GPC6: variants seen among roughly 807,000 people sequenced by gnomAD.
GPC6 encodes glypican 6.
GPC6 carries 14 observed loss-of-function variants against 55.2 expected under a neutral mutation model. The observed-to-expected ratio is 0.25, with a 90% CI of 0.17 to 0.40. The LOEUF is 0.40. Among genes scored for constraint, GPC6 ranks in the 10% least tolerant of loss-of-function variants. GPC6 has a pLI of 1.00. For synonymous variants in GPC6, 278 were observed against 259.6 expected (o/e 1.07, Z -0.68); for missense variants, 641 against 708.5 (o/e 0.90, Z 1.08).
intron 4 of GPC6, among the ~76,000 whole-genome samples, chr13:94,277,614 G>A (rs1330797039): frequency 1.3e-5 from 2 of 152,184 alleles, no homozygotes; most frequent in East Asian, 3.8e-4. Flanking sequence ...TGTATAAGGT[G>A]TAAGGAAGGG....
intron 1 of GPC6, among the ~76,000 whole-genome samples, chr13:93,438,196 G>A (rs1051900107): frequency 1.3e-4 from 20 of 152,246 alleles, no homozygotes; most frequent in African/African-American, 4.8e-4. Flanking sequence ...TGATGGAGAT[G>A]TACAAGGAGA....
At chr13:94,070,925 A>C (rs1453404889) in intron 4 of GPC6, among the ~76,000 whole-genome samples, 1 of 152,092 alleles carries the variant, frequency 6.6e-6, no homozygotes, top group Non-Finnish European at 1.5e-5. Flanking sequence ...AAATCTAAAA[A>C]CAGAATTGGT....
At chr13:94,234,562 C>A (rs368914393) in intron 4 of GPC6, among the ~76,000 whole-genome samples, 1 of 129,986 alleles carries the variant, frequency 7.7e-6, no homozygotes, top group Non-Finnish European at 1.6e-5. Context: ...CTTAAAAAAA[C>A]AAGTTAATAT....
At chr13:93,448,487 G>A (rs550152607) in intron 1 of GPC6, among the ~76,000 whole-genome samples, 1 of 152,214 alleles carries the variant, frequency 6.6e-6, no homozygotes, top group South Asian at 2.1e-4. Context: ...TGAATTTTGA[G>A]CTTCTTAGAA....
At chr13:93,360,149 TAAAG>T (rs199714050) in intron 1 of GPC6, among the ~76,000 whole-genome samples, 3,859 of 152,138 alleles carry the variant, frequency 0.025, 163 homozygotes, top group African/African-American at 0.086. Context: ...CAAAACAGGA[TAAAG>T]AGTGTCTCCT....
intron 2 of GPC6, among the ~76,000 whole-genome samples, chr13:93,590,159 A>G (rs1167799251): frequency 4.6e-5 from 7 of 152,222 alleles, no homozygotes; most frequent in Non-Finnish European, 2.9e-5. Context: ...ATTTGCAATT[A>G]TGCTAGAGTT....
intron 3 of GPC6, among the ~76,000 whole-genome samples, chr13:93,970,521 G>A (rs1301170566): frequency 1.3e-5 from 2 of 152,206 alleles, no homozygotes; most frequent in Non-Finnish European, 2.9e-5. Flanking sequence ...TCCTAGCAGA[G>A]CATTCTCAGC....
At chr13:93,265,239 A>C (rs1877283888) in intron 1 of GPC6, among the ~76,000 whole-genome samples, 1 of 152,230 alleles carries the variant, frequency 6.6e-6, no homozygotes, top group African/African-American at 2.4e-5. Context: ...AACTTTAAAG[A>C]AATCAATGTG....
At chr13:94,355,322 C>T (rs1205128208) in intron 6 of GPC6, among the ~76,000 whole-genome samples, 3 of 147,314 alleles carry the variant, frequency 2.0e-5, no homozygotes, top group African/African-American at 7.4e-5. Flanking sequence ...GGCGCCCGGC[C>T]GTGGCTCTTC....
At chr13:93,258,509 C>G (rs1877030655) in intron 1 of GPC6, among the ~76,000 whole-genome samples, 1 of 152,094 alleles carries the variant, frequency 6.6e-6, no homozygotes, top group African/African-American at 2.4e-5. Context: ...GTCTTCCTAT[C>G]CTAGTTCTTC....
intron 4 of GPC6, among the ~76,000 whole-genome samples, chr13:94,072,504 C>A (rs1884771573): frequency 6.6e-6 from 1 of 152,158 alleles, no homozygotes; most frequent in South Asian, 2.1e-4. Context: ...CAGGCACGTG[C>A]TGCCACGTCC....
intron 2 of GPC6, among the ~76,000 whole-genome samples, chr13:93,772,164 TAAAGAAAA>T (rs888551017): frequency 6.6e-5 from 10 of 152,316 alleles, no homozygotes; most frequent in African/African-American, 1.9e-4. Context: ...TCACTGATGA[TAAAGAAAA>T]GTAATGGCAT....
At chr13:93,873,262 CA>C (rs1566579760) in intron 3 of GPC6, among the ~76,000 whole-genome samples, 1 of 151,908 alleles carries the variant, frequency 6.6e-6, no homozygotes, top group East Asian at 2.0e-4. Context: ...TTCTAATTTA[CA>C]AAATACTGAC....
chr13:93,496,025 G>A (rs1362046842), intron 1 of GPC6, among the ~76,000 whole-genome samples: 1 of 151,844 alleles, frequency 6.6e-6, no homozygotes, highest in Non-Finnish European at 1.5e-5. Flanking sequence ...AGGGAGGCAG[G>A]CCTCCTTGAG....
chr13:94,141,499 C>G (rs1434487405), intron 4 of GPC6, among the ~76,000 whole-genome samples: 2 of 152,030 alleles, frequency 1.3e-5, no homozygotes, highest in East Asian at 3.9e-4. Flanking sequence ...TAATGCTGGT[C>G]AGTTGTGCCT....
intron 3 of GPC6, among the ~76,000 whole-genome samples, chr13:93,985,474 A>G (rs1880981563): frequency 6.7e-6 from 1 of 150,010 alleles, no homozygotes; most frequent in African/African-American, 2.5e-5. Context: ...AAAGAGGGCA[A>G]CAAAGCGACA....
At chr13:93,556,741 T>C (rs939086642) in intron 2 of GPC6, among the ~76,000 whole-genome samples, 1 of 152,068 alleles carries the variant, frequency 6.6e-6, no homozygotes, top group East Asian at 1.9e-4. Context: ...ACCACCCTTC[T>C]ACTGTGTCCA....
Position 93,227,603 on chromosome 13 carries a change from C to T in GPC6, c.147C>T (p.Tyr49=), listed in dbSNP as rs1160742355. Residue 49 remains tyrosine (Y), a synonymous_variant, in exon 1 of 9, where the codon TAC becomes TAT. Coordinates refer to ENST00000377047, the MANE Select transcript of GPC6 (RefSeq NM_005708.5). This position sits in a 1 kb window ranked among gnomAD's most constrained non-coding sequence, Gnocchi z 4.3. ...AKGFSLADIP[Y]QEIAGEHLRI... ...GATTCAGCCTGGCGGACATCCCCTA[C>T]CAGGAGATCGCAGGTAAGCGCGGGC... The T allele has an allele frequency of 5.0e-6, 8 of 1,605,786 alleles. No homozygotes were observed. The highest frequency in any genetic ancestry group is 6.8e-6 in the Non-Finnish European group (8 of 1,177,630).
intron 3 of GPC6, among the ~76,000 whole-genome samples, chr13:93,880,620 C>T (rs1380624864): frequency 2.0e-5 from 3 of 151,836 alleles, no homozygotes; most frequent in Non-Finnish European, 2.9e-5. Context: ...TGCTAGATGA[C>T]GAGTTAATGG....
Sources: gnomAD v4.1 joint callset for allele counts (sites outside exome capture counted in the v4.1 genomes callset) on GRCh38, gnomAD v4.1.1 for gene constraint, Gnocchi (gnomAD v3.1) non-coding constraint, MANE v1.5 for transcripts, NCBI Gene and HGNC (gene_info 2026-07-23, HGNC 2026-07-21) for gene names.